Variants in CECR2 observed in about 807,000 individuals in gnomAD.
CECR2 encodes the protein CECR2 histone acetyl-lysine reader.
CECR2 carries 30 observed loss-of-function variants against 154.5 expected under a neutral mutation model. The ratio of observed to expected loss-of-function variants is 0.19; its 90% CI spans 0.15 to 0.26. The LOEUF is 0.26. CECR2 is among the 10% of genes least tolerant of loss of function. CECR2 has a pLI of 1.00. For missense variants in CECR2, 1,743 were observed against 1,829.3 expected, an observed-to-expected ratio of 0.95 and a Z score of 0.86; for synonymous variants, 725 against 683.7, an observed-to-expected ratio of 1.06 and a Z score of -0.94.
chr22:17,503,254 C>G lies in CECR2; in HGVS notation c.700+123C>G, dbSNP rs964287575. 2.6e-5 allele frequency: 21 copies of G among 793,068 alleles called. No individual in the cohort carries two copies. The East Asian group carries it at 4.1e-4, about 16-fold the overall frequency. The allele number at this position is 793,068 out of a possible 1,614,324, so 49.1% of individuals were successfully genotyped here. On this transcript the variant is annotated intron_variant, in intron 6 of 18. Transcript: ENST00000262608. ...TATTGCAATAGCCTTTTACCTACCC[C>G]CTGTACTCTTCTTCAGTTCTCCTCC... is the stretch of plus-strand genomic sequence containing the variant.
intron 1 of CECR2, among the ~76,000 whole-genome samples, chr22:17,457,307 G>A (rs997771296): frequency 5.3e-5 from 8 of 152,236 alleles, no homozygotes; most frequent in African/African-American, 1.9e-4. Context: ...GATTACAGGC[G>A]TGAGCCACTG....
chr22:17,498,391 T>TAAA (rs11376543), intron 3 of CECR2, among the ~76,000 whole-genome samples: 10 of 145,796 alleles, frequency 6.9e-5, no homozygotes, highest in Non-Finnish European at 1.4e-4. Flanking sequence ...ACTCCGTCTT[T>TAAA]AAAAAAAAAA....
chr22:17,524,127 G>A lies in CECR2; in HGVS notation c.964G>A (p.Val322Met), dbSNP rs2056208428. 2 of 1,587,546 alleles carry A rather than the reference G, an allele frequency of 1.3e-6. No homozygotes were observed. Among genetic ancestry groups the A allele is most frequent in the Non-Finnish European group, 1.7e-6 (2 of 1,167,282 alleles). The change falls in exon 9 of 19, where the codon GTG (valine) becomes ATG (methionine). Residue 322 changes from valine (V) to methionine (M), a missense_variant. Physicochemically the swap from Val to Met is conservative, Grantham distance 21. Coordinates refer to ENST00000262608, the MANE Select transcript of CECR2 (RefSeq NM_001290047.2). ...IKPVKQEETP[V>M]LTRIEKQKRK... is the part of the protein sequence containing the mutation. Reference sequence around the variant, plus strand: ...CATTGGCTCCTCACAGGAGACTCCTGTGCTGACCAGAATAGAAAAACAAAA... The same window carrying A: ...CATTGGCTCCTCACAGGAGACTCCTATGCTGACCAGAATAGAAAAACAAAA...
Position 17,375,624 on chromosome 22 carries a change from TAGG to T in CECR2, c.126+5716_126+5718del, listed in dbSNP as rs146963969. On this transcript the variant is annotated intron_variant, in intron 1 of 18. Transcript: ENST00000262608. Reference sequence around the variant, plus strand: ...TTGCTGTTTAAAACAGGGTGATTAGTAGGGCCTGCCTGAGGAGGTGAGTGATTT... The same window carrying T: ...TTGCTGTTTAAAACAGGGTGATTAGTGCCTGCCTGAGGAGGTGAGTGATTT... Among the ~76,000 whole-genome samples, 492 of 152,230 alleles carry T rather than the reference TAGG, an allele frequency of 3.2e-3. 2 individuals are homozygous for T. Among genetic ancestry groups the T allele is most frequent in the African/African-American group, 0.011 (466 of 41,540 alleles).
intron 17 of CECR2, 52 bp downstream of exon 17, chr22:17,549,616 T>TA: frequency 1.4e-6 from 2 of 1,395,418 alleles, no homozygotes; most frequent in Admixed American, 2.4e-5. Context: ...ATGTTTATTT[T>TA]ATGTATTTAT....
chr22:17,516,320 A>G (rs1206989812), intron 8 of CECR2, among the ~76,000 whole-genome samples: 1 of 152,156 alleles, frequency 6.6e-6, no homozygotes, highest in East Asian at 1.9e-4. Context: ...ATATACATAT[A>G]TACATGTATG....
intron 1 of CECR2, among the ~76,000 whole-genome samples, chr22:17,421,862 CAAA>C (rs1183898354): frequency 7.6e-6 from 1 of 131,144 alleles, no homozygotes; most frequent in African/African-American, 3.0e-5. Context: ...AAAAAAAAAA[CAAA>C]AAAAACTTTT....
intron 1 of CECR2, among the ~76,000 whole-genome samples, chr22:17,456,803 TAA>T (rs2054860841): frequency 6.6e-6 from 1 of 152,210 alleles, no homozygotes; most frequent in Admixed American, 6.5e-5. Flanking sequence ...GATCTTAGAA[TAA>T]ACAGGTAACA....
chr22:17,541,452 GA>G (rs890003895), intron 14 of CECR2, among the ~76,000 whole-genome samples: 1 of 149,850 alleles, frequency 6.7e-6, no homozygotes, highest in African/African-American at 2.5e-5. Flanking sequence ...CTCAAAAAAA[GA>G]AAAAAAAATG....
intron 1 of CECR2, among the ~76,000 whole-genome samples, chr22:17,382,252 C>T (rs1424277787): frequency 1.3e-5 from 2 of 152,078 alleles, no homozygotes; most frequent in Non-Finnish European, 2.9e-5. Context: ...ATCATAGAGG[C>T]AACATTGCAA....
chr22:17,506,964 T>C (rs1032465638), intron 7 of CECR2, among the ~76,000 whole-genome samples: 7 of 152,194 alleles, frequency 4.6e-5, no homozygotes, highest in Admixed American at 6.5e-5. Context: ...TGCCTTGCCT[T>C]TTCTATGGTG....
At chr22:17,492,415 T>C (rs904046217) in intron 2 of CECR2, among the ~76,000 whole-genome samples, 3 of 152,210 alleles carry the variant, frequency 2.0e-5, no homozygotes, top group African/African-American at 7.2e-5. Context: ...AGGCTTGTGC[T>C]GGAACACTTG....
At chr22:17,511,403 T>C (rs2055949231) in intron 7 of CECR2, among the ~76,000 whole-genome samples, 1 of 152,166 alleles carries the variant, frequency 6.6e-6, no homozygotes, top group Admixed American at 6.6e-5. Context: ...CTGCTGCCAC[T>C]GTGCTGCCTT....
chr22:17,507,748 A>G (rs2055873382), intron 7 of CECR2, among the ~76,000 whole-genome samples: 1 of 152,248 alleles, frequency 6.6e-6, no homozygotes, highest in Non-Finnish European at 1.5e-5. Flanking sequence ...ATGGAGTTGC[A>G]GACCAGAAAG....
chr22:17,540,660 C>T lies in CECR2; in HGVS notation c.1744C>T (p.Arg582Ter), dbSNP rs2056508132. The T allele has an allele frequency of 1.2e-6, 2 of 1,613,924 alleles. No homozygotes were observed. The highest frequency in any genetic ancestry group is 1.7e-6 in the Non-Finnish European group (2 of 1,179,878). The part of the protein sequence containing the change: ...NGGKSLPPTR[R>*]APSSGDDQSS... ...AGGAAAGTCGTTGCCCCCCACACGC[C>T]GAGCGCCCTCTTCTGGGGACGATCA... The change falls in exon 14 of 19, where the codon CGA (arginine) becomes TGA (stop). Residue 582 changes from arginine (R) to a stop codon, truncating the protein, a stop_gained. Coordinates refer to ENST00000262608, the MANE Select transcript of CECR2 (RefSeq NM_001290047.2). LOFTEE classifies it high-confidence loss of function.
chr22:17,363,815 T>G (rs1003714844), intron 1 of CECR2, among the ~76,000 whole-genome samples: 27 of 152,122 alleles, frequency 1.8e-4, no homozygotes, highest in African/African-American at 5.1e-4. Context: ...TTGTATTTTT[T>G]GAAAAGATGA....
intron 1 of CECR2, among the ~76,000 whole-genome samples, chr22:17,389,710 C>G (rs887642435): frequency 2.6e-5 from 4 of 152,174 alleles, no homozygotes; most frequent in Non-Finnish European, 4.4e-5. Flanking sequence ...TCACTGCAAC[C>G]TCCGCCTCCT....
intron 3 of CECR2, among the ~76,000 whole-genome samples, chr22:17,498,461 T>C (rs1397358881): frequency 2.0e-5 from 3 of 152,158 alleles, no homozygotes; most frequent in African/African-American, 7.2e-5. Context: ...GAAGTCAGTT[T>C]CTAATCCTGT....
At chr22:17,530,211 T>C (rs1042696061) in intron 9 of CECR2, among the ~76,000 whole-genome samples, 8 of 151,504 alleles carry the variant, frequency 5.3e-5, no homozygotes, top group Admixed American at 1.3e-4. Context: ...ACATTACCCA[T>C]ACTTTTGTTG....
Sources: allele counts gnomAD v4.1 joint callset (sites outside exome capture counted in the v4.1 genomes callset), GRCh38; gene constraint gnomAD v4.1.1; transcripts MANE v1.5; gene names NCBI Gene and HGNC (gene_info 2026-07-23, HGNC 2026-07-21).